Variants in RANBP2 observed in about 807,000 individuals in gnomAD.
RANBP2 encodes E3 SUMO-protein ligase RanBP2.
RANBP2 carries 57 observed loss-of-function variants against 303.6 expected under a neutral mutation model. The ratio of observed to expected loss-of-function variants is 0.19; its 90% CI spans 0.15 to 0.23. RANBP2 has a LOEUF of 0.23. Ranked by LOEUF, RANBP2 falls within the 10% of genes least tolerant of loss-of-function variation. The pLI is 1.00. For missense variants in RANBP2, 3,138 were observed against 3,780.8 expected (o/e 0.83, Z 4.46); for synonymous variants, 1,167 against 1,301.5 (o/e 0.90, Z 2.23).
At chr2:109,422,077 T>C in the RANBP2 span, among the ~76,000 whole-genome samples, 1 of 152,192 alleles carries the variant, frequency 6.6e-6, no homozygotes, top group Non-Finnish European at 1.5e-5. Context: ...ACCCTACCAG[T>C]GGCAAGTACC....
chr2:109,585,122 A>T, the RANBP2 span: 158 of 1,537,800 alleles, frequency 1.0e-4, no homozygotes, highest in Non-Finnish European at 1.3e-4. Context: ...AAGAAAACAC[A>T]TACCTCTCTT....
At chr2:108,732,297 T>G (rs1269737149) in intron 4 of RANBP2, among the ~76,000 whole-genome samples, 4 of 152,144 alleles carry the variant, frequency 2.6e-5, no homozygotes, top group Admixed American at 6.6e-5. Context: ...TCCCCAATGC[T>G]TATACAGGTT....
the RANBP2 span, chr2:109,565,909 TAGATA>T: frequency 1.4e-6 from 2 of 1,431,506 alleles, no homozygotes; most frequent in Non-Finnish European, 9.9e-7. Context: ...GATAACTGAC[TAGATA>T]AAATAAATTT....
chr2:109,585,735 T>C, the RANBP2 span: 42 of 1,612,462 alleles, frequency 2.6e-5, no homozygotes, highest in African/African-American at 4.0e-5. Context: ...ACAGAGAATA[T>C]TAAAGCAGAA....
chr2:109,527,952 G>A, the RANBP2 span, among the ~76,000 whole-genome samples: 1 of 152,148 alleles, frequency 6.6e-6, no homozygotes, highest in African/African-American at 2.4e-5. Context: ...GGGCGAGGAG[G>A]ATGTGCAGAG....
At chr2:109,126,230 G>C in the RANBP2 span, among the ~76,000 whole-genome samples, 1 of 152,178 alleles carries the variant, frequency 6.6e-6, no homozygotes, top group Non-Finnish European at 1.5e-5. Context: ...TGTGTGTCCT[G>C]TGGGTGCTGG....
chr2:109,585,150 C>A, the RANBP2 span: 1 of 1,586,664 alleles, frequency 6.3e-7, no homozygotes, highest in Non-Finnish European at 8.6e-7. Context: ...TATTTGGTCA[C>A]CAAATCCCAC....
the RANBP2 span, chr2:109,553,232 T>C: frequency 2.3e-4 from 378 of 1,613,152 alleles, no homozygotes; most frequent in Middle Eastern, 0.01. Context: ...AAAAAGTTAT[T>C]TGTGTTACTC....
the RANBP2 span, among the ~76,000 whole-genome samples, chr2:109,448,654 TCC>T: frequency 9.2e-5 from 14 of 152,128 alleles, no homozygotes; most frequent in Non-Finnish European, 2.1e-4. Context: ...AGCTCAGGGG[TCC>T]TACTGATTCT....
chr2:108,758,051 A>C (rs971113928), intron 17 of RANBP2, among the ~76,000 whole-genome samples: 9 of 152,156 alleles, frequency 5.9e-5, no homozygotes, highest in African/African-American at 2.2e-4. Flanking sequence ...TAATCCCAGC[A>C]CTTTGGGAGG....
At chr2:109,614,441 A>G in the RANBP2 span, 16 of 1,173,868 alleles carry the variant, frequency 1.4e-5, no homozygotes, top group African/African-American at 1.6e-5. Context: ...GCCCGTCGCT[A>G]TGGGACCGCG....
the RANBP2 span, among the ~76,000 whole-genome samples, chr2:109,317,459 C>A: frequency 1.3e-5 from 2 of 151,802 alleles, no homozygotes; most frequent in African/African-American, 2.4e-5. Flanking sequence ...CCCAGCCCCC[C>A]ACCCTGCTCT....
the RANBP2 span, among the ~76,000 whole-genome samples, chr2:109,288,974 T>C: frequency 6.6e-6 from 1 of 152,198 alleles, no homozygotes; most frequent in Admixed American, 6.5e-5. Flanking sequence ...TGTGGGCTTA[T>C]CAAGGACATA....
the RANBP2 span, among the ~76,000 whole-genome samples, chr2:108,798,040 A>T: frequency 1.3e-5 from 2 of 150,974 alleles, no homozygotes; most frequent in Non-Finnish European, 2.9e-5. Context: ...GCTAATCTAG[A>T]CCTCGTTCTT....
the RANBP2 span, among the ~76,000 whole-genome samples, chr2:109,538,290 G>A: frequency 6.6e-6 from 1 of 152,152 alleles, no homozygotes; most frequent in African/African-American, 2.4e-5. Flanking sequence ...CACCTAGACA[G>A]TCCAGGATCA....
chr2:108,809,860 C>G, the RANBP2 span, among the ~76,000 whole-genome samples: 1 of 152,140 alleles, frequency 6.6e-6, no homozygotes, highest in African/African-American at 2.4e-5. Flanking sequence ...GGCTGGAGTG[C>G]AGCAGCACGA....
the RANBP2 span, among the ~76,000 whole-genome samples, chr2:108,833,181 G>A: frequency 6.6e-6 from 1 of 152,192 alleles, no homozygotes; most frequent in Non-Finnish European, 1.5e-5. Flanking sequence ...GTGGATACAT[G>A]TCATTATATG....
chr2:109,320,386 C>G, the RANBP2 span, among the ~76,000 whole-genome samples: 7 of 152,218 alleles, frequency 4.6e-5, no homozygotes, highest in Non-Finnish European at 8.8e-5. Flanking sequence ...AACGTTTGAT[C>G]TCACCACAGT....
the RANBP2 span, among the ~76,000 whole-genome samples, chr2:109,378,234 C>A: frequency 3.3e-5 from 5 of 152,236 alleles, no homozygotes; most frequent in Non-Finnish European, 5.9e-5. Context: ...CACTCTGGGT[C>A]AGGGAGCTGG....
Sources: allele counts gnomAD v4.1 joint callset (sites outside exome capture counted in the v4.1 genomes callset), GRCh38; gene constraint gnomAD v4.1.1; transcripts MANE v1.5; gene names NCBI Gene and HGNC (gene_info 2026-07-23, HGNC 2026-07-21).